Variants in ADGRL2 observed in about 807,000 individuals in gnomAD.
ADGRL2 encodes the protein calcium-independent alpha-latrotoxin receptor 2.
In ADGRL2, 44 loss-of-function variants were observed where a neutral mutation model predicts 157.4. The observed-to-expected ratio is 0.28, with a 90% confidence interval of 0.22 to 0.36. The LOEUF (loss-of-function observed/expected upper bound fraction) is 0.36. Among genes scored for constraint, ADGRL2 ranks in the 10% least tolerant of loss-of-function variants. The probability of loss-of-function intolerance (pLI) is 1.00; values close to 1 mark genes in which losing one functional copy is unlikely to be tolerated. For synonymous variants in ADGRL2, 585 were observed against 624.7 expected (o/e 0.94, Z 0.95); for missense variants, 1,510 against 1,768.9 (o/e 0.85, Z 2.63).
chr1:81,744,552 A>G (rs948297931), intron 1 of ADGRL2, among the ~76,000 whole-genome samples: 1 of 152,142 alleles, frequency 6.6e-6, no homozygotes, highest in African/African-American at 2.4e-5. Flanking sequence ...TTTATAAAGA[A>G]ACTAGCAATA....
chr1:81,615,158 T>G (rs767703220), intron 3 of ADGRL2, among the ~76,000 whole-genome samples: 6 of 152,204 alleles, frequency 3.9e-5, no homozygotes, highest in African/African-American at 7.2e-5. Context: ...AGAACTTTTG[T>G]GTCTAGCTAA....
intron 1 of ADGRL2, among the ~76,000 whole-genome samples, chr1:81,360,540 A>T (rs536826145): frequency 6.6e-6 from 1 of 152,082 alleles, no homozygotes; most frequent in South Asian, 2.1e-4. Flanking sequence ...GTTCTCTACA[A>T]TTTTATGCAG....
intron 17 of ADGRL2, among the ~76,000 whole-genome samples, chr1:81,978,547 T>G (rs1373762303): frequency 5.3e-5 from 8 of 151,874 alleles, no homozygotes; most frequent in Non-Finnish European, 8.9e-5. Flanking sequence ...GAGGGAATTC[T>G]CCATCTAAGA....
intron 3 of ADGRL2, among the ~76,000 whole-genome samples, chr1:81,917,657 G>A (rs1377353153): frequency 6.6e-6 from 1 of 152,178 alleles, no homozygotes. Context: ...GAAAGACATA[G>A]TTTTAGAACT....
At chr1:81,602,482 A>C (rs2081351952) in intron 3 of ADGRL2, among the ~76,000 whole-genome samples, 1 of 152,038 alleles carries the variant, frequency 6.6e-6, no homozygotes, top group African/African-American at 2.4e-5. Flanking sequence ...AATTCCAGCT[A>C]CTTGGGAGGC....
At chr1:81,428,494 T>G (rs2077260041) in intron 1 of ADGRL2, among the ~76,000 whole-genome samples, 1 of 152,144 alleles carries the variant, frequency 6.6e-6, no homozygotes, top group Non-Finnish European at 1.5e-5. Flanking sequence ...ACACATTTAT[T>G]AACATGCAAA....
chr1:81,471,554 T>C (rs1258792178), intron 2 of ADGRL2, among the ~76,000 whole-genome samples: 1 of 152,216 alleles, frequency 6.6e-6, no homozygotes, highest in Admixed American at 6.6e-5. Context: ...GAAGGGTTTC[T>C]GAGAATTTTA....
At chr1:81,337,764 T>C (rs548475968) in intron 1 of ADGRL2, among the ~76,000 whole-genome samples, 2 of 152,300 alleles carry the variant, frequency 1.3e-5, no homozygotes, top group South Asian at 4.1e-4. Context: ...TCTTACACCC[T>C]GGCAGACTCT....
intron 2 of ADGRL2, among the ~76,000 whole-genome samples, chr1:81,541,526 A>G (rs978001363): frequency 2.0e-5 from 3 of 152,180 alleles, no homozygotes; most frequent in Admixed American, 1.3e-4. Flanking sequence ...CTAAGAGACA[A>G]ACTCACAGAT....
intron 1 of ADGRL2, among the ~76,000 whole-genome samples, chr1:81,359,783 G>A (rs1191805863): frequency 6.6e-6 from 1 of 151,682 alleles, no homozygotes; most frequent in Non-Finnish European, 1.5e-5. Context: ...GTTTCTCTTA[G>A]TCTTCCACAT....
chr1:81,465,206 A>G (rs180930786), intron 2 of ADGRL2, among the ~76,000 whole-genome samples: 1 of 152,324 alleles, frequency 6.6e-6, no homozygotes, highest in East Asian at 1.9e-4. Context: ...CATAAAAGCA[A>G]TAATTCTTTC....
chr1:81,333,197 G>A (rs1661387303), intron 1 of ADGRL2, among the ~76,000 whole-genome samples: 6 of 152,088 alleles, frequency 3.9e-5, no homozygotes, highest in Admixed American at 3.9e-4. Flanking sequence ...GACCCAAAGA[G>A]AAATACCCGG....
intron 6 of ADGRL2, among the ~76,000 whole-genome samples, chr1:81,947,170 G>T (rs1396532732): frequency 6.6e-6 from 1 of 152,076 alleles, no homozygotes; most frequent in African/African-American, 2.4e-5. Context: ...AAAGGGTTTG[G>T]ATTAGAGTCA....
At chr1:81,587,914 G>A (rs900588488) in intron 3 of ADGRL2, among the ~76,000 whole-genome samples, 1 of 152,080 alleles carries the variant, frequency 6.6e-6, no homozygotes, top group Non-Finnish European at 1.5e-5. Context: ...GCATACTATC[G>A]GGTTTGGGTC....
In ADGRL2 at chr1:81,943,884, A is replaced by C. The variant is rs1648889059; in HGVS notation, c.1210+115A>C. The C allele has an allele frequency of 1.3e-6, 1 of 757,530 alleles. No individual in the cohort carries two copies. 46.9% of individuals were successfully genotyped at this position (757,530 alleles called of 1,614,324 possible). ...TCCCCTTTTCATAGTTAAAGGACAAAGGACAATGTTGTGGTACATTTTAGC... is the reference window on the plus strand; with the variant it reads ...TCCCCTTTTCATAGTTAAAGGACAACGGACAATGTTGTGGTACATTTTAGC... On this transcript the variant is annotated intron_variant, in intron 6 of 23. Coordinates refer to ENST00000686636, the MANE Select transcript of ADGRL2 (RefSeq NM_001366006.2). The surrounding 1 kb of genome is among the most constrained non-coding windows in gnomAD (Gnocchi z 5.6).
At chr1:81,919,372 C>G (rs2094929320) in intron 3 of ADGRL2, among the ~76,000 whole-genome samples, 1 of 152,006 alleles carries the variant, frequency 6.6e-6, no homozygotes, top group Non-Finnish European at 1.5e-5. Flanking sequence ...ATAAATTTCA[C>G]TAATATACTT....
intron 3 of ADGRL2, among the ~76,000 whole-genome samples, chr1:81,608,055 A>G (rs915567348): frequency 2.0e-5 from 3 of 152,200 alleles, no homozygotes; most frequent in Admixed American, 6.5e-5. Flanking sequence ...CATTAGGCTG[A>G]TCTTTAAAAG....
At chr1:81,530,889 C>A (rs1425063991) in intron 2 of ADGRL2, among the ~76,000 whole-genome samples, 1 of 151,916 alleles carries the variant, frequency 6.6e-6, no homozygotes, top group Non-Finnish European at 1.5e-5. Flanking sequence ...TCGAGACCAA[C>A]CTGGCCAATA....
At chr1:81,616,679 C>CTTTTCTTTTTT (rs1491482868) in intron 3 of ADGRL2, among the ~76,000 whole-genome samples, 1 of 105,984 alleles carries the variant, frequency 9.4e-6, no homozygotes, top group African/African-American at 3.7e-5. Flanking sequence ...CTTTTCTTTT[C>CTTTTCTTTTTT]TTTTTTTTTT....
Sources: gnomAD v4.1 joint callset for allele counts (sites outside exome capture counted in the v4.1 genomes callset) on GRCh38, gnomAD v4.1.1 for gene constraint, Gnocchi (gnomAD v3.1) non-coding constraint, MANE v1.5 for transcripts, NCBI Gene and HGNC (gene_info 2026-07-23, HGNC 2026-07-21) for gene names.